Variants in SUPT3H observed in about 807,000 individuals in gnomAD.
The protein encoded by SUPT3H is SPT3 homolog, SAGA and STAGA complex component.
SUPT3H carries 44 observed loss-of-function variants against 44.3 expected under a neutral mutation model. The observed-to-expected ratio is 0.99, with a 90% CI of 0.78 to 1.28. The LOEUF (loss-of-function observed/expected upper bound fraction) is 1.28, where lower values mean the gene tolerates loss of function less well. SUPT3H is among the 50% of genes most tolerant of loss of function. The probability of loss-of-function intolerance (pLI) is 0.00; values close to 1 mark genes in which losing one functional copy is unlikely to be tolerated. For missense variants in SUPT3H, 380 were observed against 387.1 expected, an observed-to-expected ratio of 0.98 and a Z score of 0.15; for synonymous variants, 124 against 125.6, an observed-to-expected ratio of 0.99 and a Z score of 0.09.
At chr6:45,174,560 C>T (rs1206525807) in intron 2 of SUPT3H, among the ~76,000 whole-genome samples, 1 of 152,100 alleles carries the variant, frequency 6.6e-6, no homozygotes, top group Non-Finnish European at 1.5e-5. Flanking sequence ...ACATCAACAG[C>T]CATAATGGTG....
rs547567757 is a variant in SUPT3H at position 44,890,591 on chromosome 6, A to G, written c.912+42062T>C. Among the ~76,000 whole-genome samples, 787 of 119,192 alleles carry G rather than the reference A, an allele frequency of 6.6e-3. 8 individuals are homozygous for G. Among genetic ancestry groups the G allele is most frequent in the African/African-American group, 0.024 (742 of 31,464 alleles). 78.2% of individuals were successfully genotyped at this position (119,192 alleles called of 152,430 possible). A position where few individuals can be genotyped will look rare whatever the true frequency, so the allele number is the denominator to read the frequency against. On this transcript the variant is annotated intron_variant, in intron 10 of 10. Coordinates refer to ENST00000371459, the MANE Select transcript of SUPT3H (RefSeq NM_003599.4). ...ACATGGACACAGGAAGGGGAACATC[A>G]CACTGTGGGGACTGTTGTGGGGTGG...
chr6:45,112,990 G>GT (rs11427923), intron 2 of SUPT3H, among the ~76,000 whole-genome samples: 91,317 of 147,796 alleles, frequency 0.62, 28,741 homozygotes, highest in African/African-American at 0.75. Flanking sequence ...ATTAGTTCTG[G>GT]TTTTTTTGGA....
At chr6:44,939,924 T>C (rs1483831461) in intron 9 of SUPT3H, among the ~76,000 whole-genome samples, 2 of 151,994 alleles carry the variant, frequency 1.3e-5, no homozygotes, top group African/African-American at 2.4e-5. Context: ...TCTGGTTTTG[T>C]TTATTTGGAT....
At chr6:45,080,744 CAG>C (rs1418169494) in intron 3 of SUPT3H, among the ~76,000 whole-genome samples, 12 of 151,848 alleles carry the variant, frequency 7.9e-5, no homozygotes, top group African/African-American at 2.9e-4. Flanking sequence ...CTCATGGACA[CAG>C]AGAGTAGACA....
At chr6:44,903,338 A>T (rs1765427027) in intron 10 of SUPT3H, among the ~76,000 whole-genome samples, 2 of 152,188 alleles carry the variant, frequency 1.3e-5, no homozygotes, top group African/African-American at 4.8e-5. Flanking sequence ...ATAAAAAATG[A>T]TAAAGGGGAT....
chr6:45,293,196 C>T (rs553501691), intron 2 of SUPT3H, among the ~76,000 whole-genome samples: 259 of 152,100 alleles, frequency 1.7e-3, no homozygotes, highest in Non-Finnish European at 3.0e-3. Context: ...TCCAAAGCCA[C>T]GCAAATACAT....
In SUPT3H at chr6:45,121,705, C is replaced by T. The variant is rs142058574; in HGVS notation, c.102-15699G>A. 2.6e-3 allele frequency among the ~76,000 whole-genome samples: 393 copies of T among 152,018 alleles called. 3 individuals carry two copies. Among genetic ancestry groups the T allele is most frequent in the African/African-American group, 8.7e-3 (359 of 41,442 alleles). On this transcript the variant is annotated intron_variant, in intron 2 of 10. Coordinates refer to ENST00000371459, the MANE Select transcript of SUPT3H (RefSeq NM_003599.4). Reference sequence around the variant, plus strand: ...TGTTTTTGTTTTTGAGACGAAGATTCGCTCTTGTTGCCTAGGCTGGAGTGC... The same window carrying T: ...TGTTTTTGTTTTTGAGACGAAGATTTGCTCTTGTTGCCTAGGCTGGAGTGC...
chr6:45,281,191 C>A (rs922477545), intron 2 of SUPT3H, among the ~76,000 whole-genome samples: 1 of 152,196 alleles, frequency 6.6e-6, no homozygotes, highest in African/African-American at 2.4e-5. Context: ...GTGATTTCTG[C>A]ATTTCCAACT....
rs556961542 is a variant in SUPT3H at position 44,908,826 on chromosome 6, A to T, written c.912+23827T>A. Among the ~76,000 whole-genome samples the T allele has an allele frequency of 8.5e-5, 13 of 152,320 alleles. No individual in the cohort carries two copies. In the South Asian group the frequency reaches 2.5e-3, roughly 29 times the overall value. On this transcript the variant is annotated intron_variant, in intron 10 of 10. Transcript: ENST00000371459. ...AATATTGAAATATTTGGTTTATAGA[A>T]GTACTCACTGGTTCAGCCTTACTCT...
chr6:45,281,783 C>T (rs1442387357), intron 2 of SUPT3H, among the ~76,000 whole-genome samples: 2 of 152,198 alleles, frequency 1.3e-5, no homozygotes, highest in East Asian at 3.9e-4. Flanking sequence ...AACAGACAGA[C>T]TGCCTCCTCA....
At chr6:44,983,115 G>A (rs1293916019) in intron 6 of SUPT3H, among the ~76,000 whole-genome samples, 1 of 152,170 alleles carries the variant, frequency 6.6e-6, no homozygotes, top group African/African-American at 2.4e-5. Context: ...TTGAAAATAA[G>A]TGTAAAAAAT....
downstream of SUPT3H, among the ~76,000 whole-genome samples, chr6:44,822,794 T>C (rs1390443730): frequency 2.6e-5 from 4 of 152,152 alleles, no homozygotes; most frequent in African/African-American, 7.2e-5. Flanking sequence ...CAAAGATTTT[T>C]AAAAAAGGAT....
At chr6:45,287,999 A>G (rs1209225419) in intron 2 of SUPT3H, among the ~76,000 whole-genome samples, 1 of 152,170 alleles carries the variant, frequency 6.6e-6, no homozygotes, top group Admixed American at 6.5e-5. Flanking sequence ...ATTTGCCTTT[A>G]AAGTTTCCAG....
chr6:45,296,819 C>T (rs1432943563), intron 2 of SUPT3H, among the ~76,000 whole-genome samples: 1 of 145,152 alleles, frequency 6.9e-6, no homozygotes, highest in African/African-American at 2.5e-5. Context: ...CAAAATCTCA[C>T]AAATCACCAC....
At chr6:45,239,190 A>G (rs375516714) in intron 2 of SUPT3H, among the ~76,000 whole-genome samples, 1 of 152,226 alleles carries the variant, frequency 6.6e-6, no homozygotes, top group East Asian at 1.9e-4. Flanking sequence ...CTCAGTTATG[A>G]TTTCATACAG....
intron 6 of SUPT3H, among the ~76,000 whole-genome samples, chr6:44,987,758 T>C (rs192845018): frequency 1.8e-3 from 280 of 152,244 alleles, no homozygotes; most frequent in African/African-American, 6.6e-3. Flanking sequence ...ATAATGTATG[T>C]CGGTGCTCTG....
At chr6:44,855,882 T>C (rs1229160030) in intron 10 of SUPT3H, among the ~76,000 whole-genome samples, 1 of 152,080 alleles carries the variant, frequency 6.6e-6, no homozygotes, top group African/African-American at 2.4e-5. Flanking sequence ...TTTTAATAGT[T>C]TCAATGAAAG....
At chr6:45,190,681 A>G (rs1814983638) in intron 2 of SUPT3H, among the ~76,000 whole-genome samples, 1 of 152,128 alleles carries the variant, frequency 6.6e-6, no homozygotes, top group African/African-American at 2.4e-5. Flanking sequence ...TCTTTGTAAA[A>G]CACTTATTTG....
intron 3 of SUPT3H, among the ~76,000 whole-genome samples, chr6:45,021,975 A>G (rs1047481893): frequency 2.6e-5 from 4 of 152,072 alleles, no homozygotes; most frequent in Non-Finnish European, 4.4e-5. Flanking sequence ...ATCTACTCAG[A>G]AACTGTTTTC....
Sources: allele counts gnomAD v4.1 joint callset (sites outside exome capture counted in the v4.1 genomes callset), GRCh38; gene constraint gnomAD v4.1.1; transcripts MANE v1.5; gene names NCBI Gene and HGNC (gene_info 2026-07-23, HGNC 2026-07-21).